The following RORA variants were observed in gnomAD, a reference collection of about 807,000 sequenced individuals.
RORA encodes nuclear receptor ROR-alpha.
Under a neutral mutation model 69.5 loss-of-function variants are expected in RORA, and 7 were observed. That is an observed-to-expected ratio of 0.10 (90% CI 0.06 to 0.19). RORA has a LOEUF of 0.19. Ranked by LOEUF, RORA falls within the 10% of genes least tolerant of loss-of-function variation. RORA has a pLI of 1.00. For synonymous variants in RORA, 261 were observed against 240.8 expected, an observed-to-expected ratio of 1.08 and a Z score of -0.78; for missense variants, 457 against 663.0, an observed-to-expected ratio of 0.69 and a Z score of 3.41.
At chr15:60,763,271 T>G (rs1205811831) in intron 1 of RORA, among the ~76,000 whole-genome samples, 4 of 151,904 alleles carry the variant, frequency 2.6e-5, no homozygotes, top group Non-Finnish European at 5.9e-5. Flanking sequence ...CCAAGCCACT[T>G]TGAGAGCAGG....
chr15:60,783,610 C>T (rs2072293726), intron 1 of RORA, among the ~76,000 whole-genome samples: 1 of 152,166 alleles, frequency 6.6e-6, no homozygotes, highest in African/African-American at 2.4e-5. Flanking sequence ...TAAAACGTCG[C>T]ATCCTTGAGT....
At chr15:60,515,947 A>T (rs371060406) in intron 3 of RORA, among the ~76,000 whole-genome samples, 650 of 13,368 alleles carry the variant, frequency 0.049, 29 homozygotes, top group African/African-American at 0.065. Flanking sequence ...ATTTATATAT[A>T]TTTATATATT....
At chr15:61,003,718 G>T (rs1595872229) in intron 1 of RORA, among the ~76,000 whole-genome samples, 2 of 152,172 alleles carry the variant, frequency 1.3e-5, no homozygotes, top group Admixed American at 1.3e-4. Context: ...AGCCATGGGT[G>T]GTGGGAAGAC....
intron 1 of RORA, among the ~76,000 whole-genome samples, chr15:61,126,383 C>T (rs2079142666): frequency 6.6e-6 from 1 of 152,160 alleles, no homozygotes; most frequent in South Asian, 2.1e-4. Flanking sequence ...CATTTAAAAT[C>T]TACTGTCTTA....
chr15:61,033,229 C>G (rs1286607700), intron 1 of RORA, among the ~76,000 whole-genome samples: 3 of 152,142 alleles, frequency 2.0e-5, no homozygotes, highest in East Asian at 3.9e-4. Flanking sequence ...AGCGGGTCTT[C>G]CATGAGGCAA....
At chr15:60,999,859 G>C (rs1345152940) in intron 1 of RORA, among the ~76,000 whole-genome samples, 1 of 152,196 alleles carries the variant, frequency 6.6e-6, no homozygotes, top group Non-Finnish European at 1.5e-5. Context: ...ATTTAGAAGA[G>C]GATCAGATTC....
chr15:60,751,392 A>C (rs1416898692), intron 1 of RORA, among the ~76,000 whole-genome samples: 1 of 152,230 alleles, frequency 6.6e-6, no homozygotes, highest in African/African-American at 2.4e-5. Flanking sequence ...AAGCTTTGCT[A>C]TTACAACAAT....
chr15:60,530,108 G>A (rs1012080328), intron 3 of RORA: 1 of 152,154 alleles, frequency 6.6e-6, no homozygotes, highest in African/African-American at 2.4e-5. Context: ...TGTCTACCAG[G>A]GACACAGATT....
At chr15:61,075,757 G>A (rs922376555) in intron 1 of RORA, among the ~76,000 whole-genome samples, 10 of 151,368 alleles carry the variant, frequency 6.6e-5, no homozygotes, top group South Asian at 2.1e-4. Context: ...AAACCTCCTC[G>A]CGTTATACCA....
intron 1 of RORA, among the ~76,000 whole-genome samples, chr15:60,805,098 G>T (rs757617823): frequency 6.6e-6 from 1 of 152,094 alleles, no homozygotes; most frequent in African/African-American, 2.4e-5. Context: ...CACTGCTTCC[G>T]CCAGTCACTT....
chr15:61,009,848 G>A (rs1372920671), intron 1 of RORA, among the ~76,000 whole-genome samples: 1 of 152,182 alleles, frequency 6.6e-6, no homozygotes, highest in Non-Finnish European at 1.5e-5. Flanking sequence ...GCTTCGACAT[G>A]TCAGCCTAGT....
At chr15:60,871,605 T>C (rs2073556899) in intron 1 of RORA, among the ~76,000 whole-genome samples, 1 of 152,218 alleles carries the variant, frequency 6.6e-6, no homozygotes, top group Non-Finnish European at 1.5e-5. Flanking sequence ...ATATTGCCCC[T>C]ATATTCCAAA....
At chr15:60,624,633 A>G (rs755363262) in intron 2 of RORA, among the ~76,000 whole-genome samples, 1 of 151,414 alleles carries the variant, frequency 6.6e-6, no homozygotes, top group Non-Finnish European at 1.5e-5. Context: ...TATCTACAAA[A>G]GGTAAATTGT....
At chr15:61,159,327 C>T (rs2140881795) in intron 1 of RORA, among the ~76,000 whole-genome samples, 1 of 152,304 alleles carries the variant, frequency 6.6e-6, no homozygotes, top group South Asian at 2.1e-4. Context: ...ATCATTAAAA[C>T]ATTAAGCCAT....
At chr15:60,527,861 C>G (rs1327757335) in intron 3 of RORA, among the ~76,000 whole-genome samples, 1 of 152,164 alleles carries the variant, frequency 6.6e-6, no homozygotes, top group African/African-American at 2.4e-5. Flanking sequence ...ACAACCAAGA[C>G]TGCCCTTTTT....
chr15:60,979,279 T>A (rs540979347), intron 1 of RORA, among the ~76,000 whole-genome samples: 25 of 146,036 alleles, frequency 1.7e-4, no homozygotes, highest in South Asian at 6.5e-4. Context: ...TTTTTTTTTT[T>A]TTTTTTTTTT....
At chr15:60,724,038 G>C (rs552855231) in intron 1 of RORA, among the ~76,000 whole-genome samples, 1 of 152,244 alleles carries the variant, frequency 6.6e-6, no homozygotes, top group Admixed American at 6.5e-5. Context: ...TGTGCAATCT[G>C]TATACTGACT....
intron 1 of RORA, among the ~76,000 whole-genome samples, chr15:60,897,189 G>A (rs1456359547): frequency 6.6e-6 from 1 of 152,122 alleles, no homozygotes; most frequent in Non-Finnish European, 1.5e-5. Flanking sequence ...CCTAGAAGGG[G>A]CTAGGAGGGC....
rs3053932 is a variant in RORA at position 60,993,644 on chromosome 15, C to CAAAAAA, written c.166+235403_166+235408dup. Among the ~76,000 whole-genome samples, 452 of 83,016 alleles carry CAAAAAA rather than the reference C, an allele frequency of 5.4e-3. 19 individuals are homozygous for CAAAAAA. Among genetic ancestry groups the CAAAAAA allele is most frequent in the African/African-American group, 8.1e-3 (170 of 20,956 alleles). The allele number at this position is 83,016 out of a possible 152,430, so 54.5% of individuals were successfully genotyped here. On this transcript the variant is annotated intron_variant, in intron 1 of 10. Transcript: ENST00000335670. Reference sequence around the variant, plus strand: ...GGTGACAGAGCAAGACTCTCCATCTCAAAAAAAAAAAAAAAAAAAAAAGAC... The same window carrying CAAAAAA: ...GGTGACAGAGCAAGACTCTCCATCTCAAAAAAAAAAAAAAAAAAAAAAAAAAAAGAC...
Sources: gnomAD v4.1 joint callset for allele counts (sites outside exome capture counted in the v4.1 genomes callset) on GRCh38, gnomAD v4.1.1 for gene constraint, MANE v1.5 for transcripts, NCBI Gene and HGNC (gene_info 2026-07-23, HGNC 2026-07-21) for gene names.